Variants in CHRM5 observed in about 807,000 individuals in gnomAD.
CHRM5 encodes cholinergic receptor muscarinic 5.
Under a neutral mutation model 39.0 loss-of-function variants are expected in CHRM5, and 18 were observed. The ratio of observed to expected loss-of-function variants is 0.46; its 90% CI spans 0.32 to 0.68. The LOEUF is 0.68. Among genes scored for constraint, CHRM5 ranks in the 30% least tolerant of loss-of-function variants. CHRM5 has a pLI of 0.04. For synonymous variants in CHRM5, 241 were observed against 246.3 expected, an observed-to-expected ratio of 0.98 and a Z score of 0.20; for missense variants, 515 against 651.1, an observed-to-expected ratio of 0.79 and a Z score of 2.28.
At chr15:34,045,713 G>A (rs1245486485) in intron 1 of CHRM5, among the ~76,000 whole-genome samples, 1 of 136,556 alleles carries the variant, frequency 7.3e-6, no homozygotes, top group Non-Finnish European at 1.6e-5. Flanking sequence ...AAAAAAAAAA[G>A]GTGTTTCAGA....
At chr15:33,982,105 G>C (rs1167355821) in intron 1 of CHRM5, among the ~76,000 whole-genome samples, 1 of 151,548 alleles carries the variant, frequency 6.6e-6, no homozygotes, top group South Asian at 2.1e-4. Flanking sequence ...GACCTCAGAT[G>C]ATCCACCCGC....
In CHRM5 at chr15:34,067,411, T is replaced by A. The variant is rs967930925; in HGVS notation, c.*3095T>A. The stretch of plus-strand genomic sequence containing the variant: ...AAGGATATGGGGACTGGGCTGCTTT[T>A]CTGTATTGTATAAGCACTATTCTAG... On this transcript the variant is annotated 3_prime_UTR_variant, in exon 3 of 3. Coordinates refer to ENST00000383263, the MANE Select transcript of CHRM5 (RefSeq NM_012125.4). The A allele has an allele frequency of 1.3e-5, 2 of 152,232 alleles. No homozygotes were observed. The highest frequency in any genetic ancestry group is 2.9e-5 in the Non-Finnish European group (2 of 68,052). 9.4% of individuals were successfully genotyped at this position (152,232 alleles called of 1,614,324 possible).
Position 34,063,149 on chromosome 15 carries a change from G to A in CHRM5, c.432G>A (p.Pro144=), listed in dbSNP as rs771958823. 35 of 1,613,990 alleles carry A rather than the reference G, an allele frequency of 2.2e-5. No individual in the cohort carries two copies. Among genetic ancestry groups the A allele is most frequent in the South Asian group, 3.3e-5 (3 of 91,070 alleles). The change falls in exon 3 of 3, where the codon CCG becomes CCA. Residue 144 remains proline, a synonymous_variant. Transcript: ENST00000383263. This position sits in a 1 kb window ranked among gnomAD's most constrained non-coding sequence, Gnocchi z 4.1. ...TGACATATCGGGCCAAGCGTACTCCGAAAAGGGCTGGCATCATGATTGGCT... is the reference window on the plus strand; with the variant it reads ...TGACATATCGGGCCAAGCGTACTCCAAAAAGGGCTGGCATCATGATTGGCT... ...RPLTYRAKRT[P]KRAGIMIGLA... is the part of the protein sequence containing the mutation.
At chr15:34,004,924 A>G (rs932373226) in intron 1 of CHRM5, among the ~76,000 whole-genome samples, 5 of 152,166 alleles carry the variant, frequency 3.3e-5, no homozygotes, top group Admixed American at 2.0e-4. Context: ...AAAAATGAGT[A>G]AAATTATTAA....
chr15:34,043,004 T>C (rs982205360), intron 1 of CHRM5, among the ~76,000 whole-genome samples: 24 of 151,894 alleles, frequency 1.6e-4, no homozygotes, highest in African/African-American at 4.8e-5. Flanking sequence ...TCCCAGCACT[T>C]TGGGAGGCCG....
intron 1 of CHRM5, among the ~76,000 whole-genome samples, chr15:34,002,790 A>C (rs1897185687): frequency 6.6e-6 from 1 of 152,204 alleles, no homozygotes; most frequent in African/African-American, 2.4e-5. Flanking sequence ...CCACTTATAG[A>C]AAGCCTTTTA....
At chr15:33,985,510 T>C (rs1222806616) in intron 1 of CHRM5, among the ~76,000 whole-genome samples, 1 of 149,314 alleles carries the variant, frequency 6.7e-6, no homozygotes, top group Non-Finnish European at 1.5e-5. Flanking sequence ...TCAGGGTTGC[T>C]TGCTGGAAAC....
Position 33,994,467 on chromosome 15 carries a change from T to C in CHRM5, c.-408+25317T>C, listed in dbSNP as rs560278660. 2.5e-3 allele frequency among the ~76,000 whole-genome samples: 379 copies of C among 152,270 alleles called. 3 individuals carry two copies. The highest frequency in any genetic ancestry group is 8.3e-3 in the African/African-American group (345 of 41,546). On this transcript the variant is annotated intron_variant, in intron 1 of 2. Coordinates refer to ENST00000383263, the MANE Select transcript of CHRM5 (RefSeq NM_012125.4). The stretch of plus-strand genomic sequence containing the variant: ...GTAATAATAATAGAAATAAAGCACA[T>C]AATAAATGTAACACGCTTGAATCAT...
intron 1 of CHRM5, among the ~76,000 whole-genome samples, chr15:34,009,136 T>C (rs1897521623): frequency 1.3e-5 from 2 of 152,176 alleles, no homozygotes; most frequent in African/African-American, 4.8e-5. Flanking sequence ...AAATAAACTG[T>C]CAGCCAAGAA....
At chr15:34,056,142 T>C (rs1280370645) in intron 2 of CHRM5, among the ~76,000 whole-genome samples, 1 of 152,214 alleles carries the variant, frequency 6.6e-6, no homozygotes, top group Non-Finnish European at 1.5e-5. Context: ...TAGTTAAGAA[T>C]AGAAGAAAGT....
At chr15:34,001,493 G>A (rs191489390) in intron 1 of CHRM5, among the ~76,000 whole-genome samples, 3 of 152,094 alleles carry the variant, frequency 2.0e-5, no homozygotes, top group Admixed American at 1.3e-4. Context: ...CAGCTGTTGA[G>A]AATTAAAACT....
chr15:33,983,172 ATATATACACACGTGTGTG>A (rs1896245611), intron 1 of CHRM5, among the ~76,000 whole-genome samples: 2 of 93,342 alleles, frequency 2.1e-5, no homozygotes, highest in Non-Finnish European at 3.8e-5. Context: ...GTGTGTGTGT[ATATATACACACGTGTGTG>A]TATGTGTGTG....
chr15:34,008,943 C>T (rs11632173), intron 1 of CHRM5, among the ~76,000 whole-genome samples: 22,870 of 75,384 alleles, frequency 0.3, 2,197 homozygotes, highest in Middle Eastern at 0.4. Context: ...CACACTCACA[C>T]GTGCGCGCGC....
chr15:34,038,004 G>T (rs1045342808), intron 1 of CHRM5, among the ~76,000 whole-genome samples: 2 of 152,130 alleles, frequency 1.3e-5, no homozygotes, highest in African/African-American at 4.8e-5. Flanking sequence ...CTGAGATATG[G>T]TTAGCTTTGC....
At chr15:34,030,713 G>T (rs907426268) in intron 1 of CHRM5, among the ~76,000 whole-genome samples, 1 of 151,956 alleles carries the variant, frequency 6.6e-6, no homozygotes, top group Non-Finnish European at 1.5e-5. Flanking sequence ...CCAACTCCTG[G>T]GTTAAAAATC....
intron 1 of CHRM5, chr15:33,972,424 A>G (rs1370422736): frequency 1.3e-5 from 2 of 152,150 alleles, no homozygotes; most frequent in Non-Finnish European, 2.9e-5. Flanking sequence ...ACATAGATTA[A>G]TTAGTATCTG....
intron 1 of CHRM5, among the ~76,000 whole-genome samples, chr15:34,042,924 A>G (rs1009376244): frequency 5.3e-5 from 8 of 152,076 alleles, no homozygotes; most frequent in African/African-American, 9.7e-5. Flanking sequence ...GCCTTCAAAC[A>G]TCACAAGAAA....
intron 1 of CHRM5, among the ~76,000 whole-genome samples, chr15:34,008,807 T>A (rs908965763): frequency 6.6e-6 from 1 of 152,066 alleles, no homozygotes; most frequent in Non-Finnish European, 1.5e-5. Context: ...CCTTTATACA[T>A]CCAAGAAGCT....
At chr15:34,036,666 A>G (rs1899141381) in intron 1 of CHRM5, among the ~76,000 whole-genome samples, 1 of 152,222 alleles carries the variant, frequency 6.6e-6, no homozygotes, top group Non-Finnish European at 1.5e-5. Flanking sequence ...TCTGCCCAAC[A>G]TCCCTCCCTC....
Sources: gnomAD v4.1 joint callset for allele counts (sites outside exome capture counted in the v4.1 genomes callset) on GRCh38, gnomAD v4.1.1 for gene constraint, Gnocchi (gnomAD v3.1) non-coding constraint, MANE v1.5 for transcripts, NCBI Gene and HGNC (gene_info 2026-07-23, HGNC 2026-07-21) for gene names.